The following DTNB variants were observed in gnomAD, a reference collection of about 807,000 sequenced individuals.
The protein encoded by DTNB is DTN-B.
A neutral mutation model predicts 90.7 loss-of-function variants in DTNB; 63 were observed. That is an observed-to-expected ratio of 0.69 (90% CI 0.57 to 0.86). The LOEUF is 0.86. DTNB is among the 40% of genes least tolerant of loss of function. The pLI, the probability that DTNB is intolerant of heterozygous loss-of-function variation, is 0.00. For synonymous variants in DTNB, 277 were observed against 286.7 expected, an observed-to-expected ratio of 0.97 and a Z score of 0.34; for missense variants, 744 against 807.1, an observed-to-expected ratio of 0.92 and a Z score of 0.95.
rs1409231040 is a variant in DTNB at position 25,433,012 on chromosome 2, G to A, written c.1344-13C>T. 1 of 1,590,910 alleles carries A rather than the reference G, an allele frequency of 6.3e-7. No homozygotes were observed. Among genetic ancestry groups the A allele is most frequent in the African/African-American group, 1.3e-5 (1 of 74,484 alleles). ...CTGCAGGATCTCTCTAGAGAGGATG[G>A]GTGAACGGAAAGGGGCTGCACAGTG... On this transcript the variant is annotated splice_polypyrimidine_tract_variant and intron_variant, in intron 13 of 20. Transcript: ENST00000406818.
At chr2:25,471,387 CTT>C (rs34374443) in intron 10 of DTNB, among the ~76,000 whole-genome samples, 46 of 141,854 alleles carry the variant, frequency 3.2e-4, no homozygotes, top group East Asian at 1.9e-3. Context: ...CATGAAAAAT[CTT>C]TTTTTTTTTT....
intron 4 of DTNB, among the ~76,000 whole-genome samples, chr2:25,609,766 G>C (rs544759915): frequency 7.2e-4 from 109 of 151,696 alleles, no homozygotes; most frequent in African/African-American, 2.6e-3. Flanking sequence ...ATTTGGCCTA[G>C]GGTGGGGCGT....
chr2:25,519,632 CTGAGATGCACCAG>C (rs924410302), intron 9 of DTNB, among the ~76,000 whole-genome samples: 1 of 152,130 alleles, frequency 6.6e-6, no homozygotes, highest in Non-Finnish European at 1.5e-5. Flanking sequence ...AATCTACAGT[CTGAGATGCACCAG>C]TGAGCATTTC....
intron 4 of DTNB, among the ~76,000 whole-genome samples, chr2:25,618,217 C>G (rs2071356220): frequency 6.6e-6 from 1 of 152,152 alleles, no homozygotes; most frequent in Non-Finnish European, 1.5e-5. Flanking sequence ...TCTAATGTTT[C>G]TTTAGAGCCC....
intron 4 of DTNB, among the ~76,000 whole-genome samples, chr2:25,616,655 G>A (rs184014086): frequency 6.0e-3 from 548 of 90,900 alleles, no homozygotes; most frequent in South Asian, 0.026. Context: ...AGACTTGGCC[G>A]GGCGCAGTGG....
intron 7 of DTNB, among the ~76,000 whole-genome samples, chr2:25,580,128 C>G (rs2061346392): frequency 6.6e-6 from 1 of 151,646 alleles, no homozygotes; most frequent in Admixed American, 6.6e-5. Flanking sequence ...ATTGCAGGCA[C>G]CCACAACCAC....
chr2:25,625,575 T>C lies in DTNB; in HGVS notation c.362+2596A>G, dbSNP rs1335368133. On this transcript the variant is annotated intron_variant, in intron 4 of 20. Coordinates refer to ENST00000406818, the MANE Select transcript of DTNB (RefSeq NM_021907.5). ...CATTTTTTTTTTTTTTTTTTTTTTT[T>C]GCTAGTTATTTTCGGTGTGTGTTTC... is the stretch of plus-strand genomic sequence containing the variant. Among the ~76,000 whole-genome samples the C allele has an allele frequency of 4.8e-4, 33 of 68,550 alleles. 1 individual carries two copies. The highest frequency in any genetic ancestry group is 9.9e-4 in the Non-Finnish European group (31 of 31,366). 45.0% of individuals were successfully genotyped at this position (68,550 alleles called of 152,430 possible).
chr2:25,456,224 T>C (rs2060004493), intron 10 of DTNB, among the ~76,000 whole-genome samples: 1 of 152,232 alleles, frequency 6.6e-6, no homozygotes, highest in Non-Finnish European at 1.5e-5. Flanking sequence ...TGAATGAATG[T>C]CAACATTTTG....
At chr2:25,621,509 T>C (rs1036965989) in intron 4 of DTNB, among the ~76,000 whole-genome samples, 1 of 150,670 alleles carries the variant, frequency 6.6e-6, no homozygotes, top group Admixed American at 6.6e-5. Flanking sequence ...TGCAGTGGTG[T>C]GATCTCAGCT....
intron 2 of DTNB, among the ~76,000 whole-genome samples, chr2:25,646,579 C>T (rs910291744): frequency 2.6e-5 from 4 of 152,146 alleles, no homozygotes; most frequent in African/African-American, 9.7e-5. Context: ...CCTCTTATTG[C>T]AACCCAGACA....
chr2:25,530,003 A>G (rs2077855738), intron 9 of DTNB, among the ~76,000 whole-genome samples: 2 of 152,208 alleles, frequency 1.3e-5, no homozygotes, highest in Admixed American at 1.3e-4. Flanking sequence ...TTATTAAGAA[A>G]TAGAGTTTTT....
chr2:25,574,242 G>A (rs770273222), intron 8 of DTNB, among the ~76,000 whole-genome samples: 6 of 152,140 alleles, frequency 3.9e-5, no homozygotes, highest in African/African-American at 7.2e-5. Flanking sequence ...GTCTTTGTCC[G>A]GTTTGTTCAT....
At chr2:25,489,342 G>A (rs1183491024) in intron 9 of DTNB, among the ~76,000 whole-genome samples, 1 of 152,090 alleles carries the variant, frequency 6.6e-6, no homozygotes, top group Non-Finnish European at 1.5e-5. Context: ...CAGGCACTGT[G>A]CTAGCTTCTG....
chr2:25,429,652 G>T (rs1190765163), intron 14 of DTNB, among the ~76,000 whole-genome samples: 2 of 152,150 alleles, frequency 1.3e-5, no homozygotes, highest in Admixed American at 1.3e-4. Flanking sequence ...GAGGTCAGGG[G>T]ATGGGCCTTA....
At chr2:25,555,191 T>C (rs2057077507) in intron 8 of DTNB, among the ~76,000 whole-genome samples, 1 of 148,490 alleles carries the variant, frequency 6.7e-6, no homozygotes, top group African/African-American at 2.5e-5. Context: ...CCTGGGAGGC[T>C]GAGGCAGGAG....
intron 14 of DTNB, among the ~76,000 whole-genome samples, chr2:25,429,824 A>G (rs1436819842): frequency 6.6e-6 from 1 of 152,184 alleles, no homozygotes; most frequent in African/African-American, 2.4e-5. Context: ...TTGCCTGGCT[A>G]ATTATATCTC....
At chr2:25,389,414 G>A (rs773865505) in intron 16 of DTNB, among the ~76,000 whole-genome samples, 5 of 152,252 alleles carry the variant, frequency 3.3e-5, no homozygotes, top group Admixed American at 6.5e-5. Context: ...GGGCCACCCC[G>A]CGGGGACGAG....
At chr2:25,508,879 C>T (rs570996109) in intron 9 of DTNB, among the ~76,000 whole-genome samples, 1 of 152,296 alleles carries the variant, frequency 6.6e-6, no homozygotes, top group East Asian at 1.9e-4. Flanking sequence ...GTTTACACAT[C>T]TTGCACATAT....
At chr2:25,661,626 A>G (rs1450547428) in intron 1 of DTNB, among the ~76,000 whole-genome samples, 1 of 152,256 alleles carries the variant, frequency 6.6e-6, no homozygotes, top group Non-Finnish European at 1.5e-5. Context: ...ACCTGGGTGA[A>G]GATGACAGAA....
Sources: allele counts gnomAD v4.1 joint callset (sites outside exome capture counted in the v4.1 genomes callset), GRCh38; gene constraint gnomAD v4.1.1; transcripts MANE v1.5; gene names NCBI Gene and HGNC (gene_info 2026-07-23, HGNC 2026-07-21).